CEP350: variants seen among roughly 807,000 people sequenced by gnomAD.
CEP350 encodes the protein centrosomal protein 350.
Under a neutral mutation model 331.8 loss-of-function variants are expected in CEP350, and 126 were observed. The ratio of observed to expected loss-of-function variants is 0.38; its 90% CI spans 0.33 to 0.44. CEP350 has a LOEUF of 0.44. Among genes scored for constraint, CEP350 ranks in the 20% least tolerant of loss-of-function variants. CEP350 has a pLI of 1.00. For missense variants in CEP350, 3,406 were observed against 3,634.6 expected, an observed-to-expected ratio of 0.94 and a Z score of 1.62; for synonymous variants, 1,200 against 1,259.5, an observed-to-expected ratio of 0.95 and a Z score of 1.00.
At chr1:180,039,525 A>AT (rs1182980064) in intron 17 of CEP350, among the ~76,000 whole-genome samples, 9 of 152,150 alleles carry the variant, frequency 5.9e-5, no homozygotes, top group African/African-American at 2.2e-4. Flanking sequence ...GCACCATTTT[A>AT]TTAAAAAGAC....
intron 15 of CEP350, among the ~76,000 whole-genome samples, chr1:180,033,372 A>T (rs899448024): frequency 4.6e-5 from 7 of 152,102 alleles, no homozygotes; most frequent in Non-Finnish European, 8.8e-5. Context: ...ATAGTGTGAA[A>T]TTTTTTTCTG....
At chr1:180,109,462 C>G (rs909308849) in intron 37 of CEP350, among the ~76,000 whole-genome samples, 8 of 151,882 alleles carry the variant, frequency 5.3e-5, no homozygotes, top group Non-Finnish European at 7.4e-5. Flanking sequence ...TCAGGGCAAG[C>G]CAGGAGCATG....
chr1:179,958,322 C>G (rs1323868219), intron 1 of CEP350, among the ~76,000 whole-genome samples: 1 of 151,960 alleles, frequency 6.6e-6, no homozygotes, highest in African/African-American at 2.4e-5. Context: ...GAATCATTTC[C>G]TGCTTAAAAT....
chr1:180,091,182 CTTT>C (rs112664451), intron 33 of CEP350, among the ~76,000 whole-genome samples: 1 of 141,914 alleles, frequency 7.0e-6, no homozygotes, highest in African/African-American at 2.6e-5. Context: ...CCCAGCTCAT[CTTT>C]TTTTTTTTTT....
intron 21 of CEP350, among the ~76,000 whole-genome samples, chr1:180,047,271 G>T (rs1417045736): frequency 1.3e-5 from 2 of 152,188 alleles, no homozygotes; most frequent in Non-Finnish European, 2.9e-5. Flanking sequence ...ATGTAAGGAG[G>T]AGAAAGCTTG....
intron 26 of CEP350, among the ~76,000 whole-genome samples, chr1:180,062,873 A>C (rs1261997034): frequency 6.6e-6 from 1 of 152,254 alleles, no homozygotes; most frequent in Non-Finnish European, 1.5e-5. Context: ...AACATGAGTT[A>C]CAGAGGGGAC....
At position 180,090,514 on chromosome 1, in the gene CEP350, C is replaced by T. The variant is rs1660113304; in HGVS notation, c.6426-200C>T. Among the ~76,000 whole-genome samples, 7 of 124,296 alleles carry T rather than the reference C, an allele frequency of 5.6e-5. No homozygotes were observed. The South Asian group carries it at 1.9e-3, about 33-fold the overall frequency. 81.5% of individuals were successfully genotyped at this position (124,296 alleles called of 152,430 possible). On this transcript the variant is annotated intron_variant, in intron 32 of 37. Coordinates refer to ENST00000367607, the MANE Select transcript of CEP350 (RefSeq NM_014810.5). ...TGAGCCGAGATCGCGCCACTGCACT[C>T]CAGCCTGGGCGACAGAGCGAGACTC...
chr1:179,988,083 A>C (rs1652769928), intron 3 of CEP350, among the ~76,000 whole-genome samples: 1 of 152,058 alleles, frequency 6.6e-6, no homozygotes, highest in Non-Finnish European at 1.5e-5. Flanking sequence ...GATCGTTTTG[A>C]GCCCAGGCAT....
At chr1:180,075,341 C>G in intron 28 of CEP350, 120 bp downstream of exon 28, 1 of 1,019,658 alleles carries the variant, frequency 9.8e-7, no homozygotes, top group Non-Finnish European at 1.4e-6. Flanking sequence ...AATCCTAACA[C>G]TTTGGAAGGC....
intron 3 of CEP350, 112 bp from the exon 4 acceptor site, chr1:179,990,395 C>T: frequency 2.2e-6 from 1 of 452,618 alleles, no homozygotes; most frequent in Middle Eastern, 5.7e-4. Context: ...GAGTTTTTTT[C>T]TACTTTGGAA....
chr1:180,006,392 G>A (rs1654258928), intron 7 of CEP350, 62 bp from the exon 8 acceptor site: 13 of 843,202 alleles, frequency 1.5e-5, no homozygotes, highest in Non-Finnish European at 2.6e-5. Flanking sequence ...TCCTATGGGC[G>A]GAGGATAAGT....
In CEP350 at chr1:179,999,475, AT is replaced by A. The variant is rs535289954; in HGVS notation, c.1018+2309del. On this transcript the variant is annotated intron_variant, in intron 6 of 37. Coordinates refer to ENST00000367607, the MANE Select transcript of CEP350 (RefSeq NM_014810.5). Reference sequence around the variant, plus strand: ...TGGCTTCCGATGTCCTAAGCAGTGGATTTTTTTTTCCAACAATGAAAAACTG... The same window carrying A: ...TGGCTTCCGATGTCCTAAGCAGTGGATTTTTTTTCCAACAATGAAAAACTG... Among the ~76,000 whole-genome samples, 575 of 151,662 alleles carry A rather than the reference AT, an allele frequency of 3.8e-3. 4 individuals carry two copies. The highest frequency in any genetic ancestry group is 0.013 in the African/African-American group (544 of 41,398).
At chr1:180,053,531 A>G (rs1657634382) in intron 23 of CEP350, among the ~76,000 whole-genome samples, 1 of 152,224 alleles carries the variant, frequency 6.6e-6, no homozygotes, top group Non-Finnish European at 1.5e-5. Context: ...TCCTTGGGAC[A>G]GTAATTGGCT....
At chr1:180,067,421 G>A (rs532389193) in intron 27 of CEP350, among the ~76,000 whole-genome samples, 1 of 152,320 alleles carries the variant, frequency 6.6e-6, no homozygotes, top group African/African-American at 2.4e-5. Context: ...GGGCCTGGTG[G>A]CTCACGCCTG....
chr1:180,051,208 A>T (rs997955370), intron 22 of CEP350, among the ~76,000 whole-genome samples: 1 of 152,210 alleles, frequency 6.6e-6, no homozygotes, highest in Admixed American at 6.5e-5. Context: ...TAAAAGGAAT[A>T]ATCTTTTGAT....
intron 3 of CEP350, among the ~76,000 whole-genome samples, chr1:179,987,871 G>T (rs957729319): frequency 1.3e-5 from 2 of 152,070 alleles, no homozygotes; most frequent in Non-Finnish European, 2.9e-5. Flanking sequence ...AGGCTTCGAG[G>T]TTGCAGTGAC....
rs767724600 is a variant in CEP350 at position 180,078,623 on chromosome 1, A to C, written c.5928A>C (p.Glu1976Asp). Residue 1976 changes from glutamate (E) to aspartate (D), a missense_variant, in exon 29 of 38, where the codon GAA becomes GAC. Glu to Asp is a conservative substitution (Grantham distance 45). Around this residue, in one of 5 missense-constraint regions of CEP350, gnomAD observed 1,415 missense variants for 1,512.3 expected, o/e 0.94. Coordinates refer to ENST00000367607, the MANE Select transcript of CEP350 (RefSeq NM_014810.5). ...PGSPDHSILT[E>D]EMICSQELES... The stretch of plus-strand genomic sequence containing the variant: ...GTCCAGATCACAGTATACTTACTGA[A>C]GAAATGATTTGTTCACAGGAACTAG... 6.2e-7 allele frequency: 1 copy of C among 1,612,728 alleles called. No individual in the cohort carries two copies. Among genetic ancestry groups the C allele is most frequent in the Non-Finnish European group, 8.5e-7 (1 of 1,179,258 alleles).
chr1:180,088,653 A>T (rs1293589363), intron 32 of CEP350, among the ~76,000 whole-genome samples: 1 of 152,192 alleles, frequency 6.6e-6, no homozygotes, highest in Non-Finnish European at 1.5e-5. Context: ...CAATTAATTT[A>T]GCATTACCTA....
At chr1:180,092,522 A>G (rs1660258648) in intron 33 of CEP350, 92 bp from the exon 34 acceptor site, 1 of 903,908 alleles carries the variant, frequency 1.1e-6, no homozygotes, top group Non-Finnish European at 1.6e-6. Context: ...GGTTTTTTTC[A>G]CTAAAATTTG....
Sources: gnomAD v4.1 joint callset for allele counts (sites outside exome capture counted in the v4.1 genomes callset) on GRCh38, gnomAD v4.1.1 for gene constraint, gnomAD v4.1.1 regional missense constraint, MANE v1.5 for transcripts, NCBI Gene and HGNC (gene_info 2026-07-23, HGNC 2026-07-21) for gene names.